The following TAFA1 variants were observed in gnomAD, a reference collection of about 807,000 sequenced individuals.
TAFA1 encodes chemokine-like protein TAFA-1.
In TAFA1, 4 loss-of-function variants were observed where a neutral mutation model predicts 18.5. That is an observed-to-expected ratio of 0.22 (90% confidence interval 0.11 to 0.49). The LOEUF (loss-of-function observed/expected upper bound fraction) is 0.49. Ranked by LOEUF, TAFA1 falls within the 20% of genes least tolerant of loss-of-function variation. The pLI is 0.98. For missense variants in TAFA1, 147 were observed against 169.0 expected, an observed-to-expected ratio of 0.87 and a Z score of 0.72; for synonymous variants, 56 against 55.2, an observed-to-expected ratio of 1.01 and a Z score of -0.06.
chr3:68,156,268 C>A (rs775262925), intron 2 of TAFA1, among the ~76,000 whole-genome samples: 21 of 152,178 alleles, frequency 1.4e-4, no homozygotes, highest in Non-Finnish European at 1.5e-4. Flanking sequence ...TTTTGGCTTT[C>A]AGGCTAGCCC....
intron 2 of TAFA1, among the ~76,000 whole-genome samples, chr3:68,339,076 A>T (rs2069029077): frequency 6.6e-6 from 1 of 152,226 alleles, no homozygotes. Context: ...AATTAGCTAA[A>T]GCAAGTCGCA....
At chr3:68,094,064 A>C (rs73834825) in intron 2 of TAFA1, among the ~76,000 whole-genome samples, 1 of 152,106 alleles carries the variant, frequency 6.6e-6, no homozygotes, top group African/African-American at 2.4e-5. Context: ...GGATTTTGTT[A>C]TTGTAGATGA....
At chr3:68,111,779 A>AC (rs10667380) in intron 2 of TAFA1, among the ~76,000 whole-genome samples, 1 of 142,080 alleles carries the variant, frequency 7.0e-6, no homozygotes, top group Non-Finnish European at 1.5e-5. Flanking sequence ...CACACATGAG[A>AC]AAGAGAGAGA....
chr3:68,450,767 T>C (rs1467814087), intron 3 of TAFA1, among the ~76,000 whole-genome samples: 3 of 152,226 alleles, frequency 2.0e-5, no homozygotes, highest in African/African-American at 7.2e-5. Context: ...AGATCCTAAT[T>C]ACATATAACA....
At chr3:68,482,211 C>T (rs988050680) in intron 3 of TAFA1, among the ~76,000 whole-genome samples, 2 of 152,114 alleles carry the variant, frequency 1.3e-5, no homozygotes, top group Non-Finnish European at 2.9e-5. Context: ...GGGGTTTAAC[C>T]GTTTTAGCCA....
intron 3 of TAFA1, among the ~76,000 whole-genome samples, chr3:68,483,343 G>A (rs544482931): frequency 6.6e-6 from 1 of 152,288 alleles, no homozygotes; most frequent in African/African-American, 2.4e-5. Flanking sequence ...TCGTAGCAGG[G>A]AATTAATCAT....
chr3:68,279,060 G>T (rs1350795577), intron 2 of TAFA1, among the ~76,000 whole-genome samples: 3 of 152,054 alleles, frequency 2.0e-5, no homozygotes, highest in Non-Finnish European at 4.4e-5. Context: ...TGAGTATCAG[G>T]TCCTCAGTGG....
chr3:68,220,820 C>T (rs1247740967), intron 2 of TAFA1, among the ~76,000 whole-genome samples: 1 of 152,104 alleles, frequency 6.6e-6, no homozygotes, highest in South Asian at 2.1e-4. Context: ...AAGGGTCACT[C>T]ACAGTATTCT....
chr3:68,497,117 C>CT (rs1167271553), intron 3 of TAFA1, among the ~76,000 whole-genome samples: 2 of 152,098 alleles, frequency 1.3e-5, no homozygotes, highest in Admixed American at 6.5e-5. Flanking sequence ...ATAATACCAC[C>CT]TTTTTTCTGA....
chr3:68,265,764 C>G (rs1352916617), intron 2 of TAFA1, among the ~76,000 whole-genome samples: 1 of 152,170 alleles, frequency 6.6e-6, no homozygotes, highest in East Asian at 1.9e-4. Context: ...CTGTTGCGTA[C>G]TGCAGAAGCT....
intron 2 of TAFA1, among the ~76,000 whole-genome samples, chr3:68,236,615 C>G (rs2066930416): frequency 6.6e-6 from 1 of 152,234 alleles, no homozygotes; most frequent in Admixed American, 6.5e-5. Context: ...TTGAAAAACT[C>G]TGTTAACCCG....
chr3:68,174,306 A>T (rs2066096666), intron 2 of TAFA1, among the ~76,000 whole-genome samples: 1 of 152,206 alleles, frequency 6.6e-6, no homozygotes, highest in African/African-American at 2.4e-5. Context: ...TTGGAGTCCC[A>T]CATGTTGTAG....
chr3:68,422,224 G>A (rs1177987881), intron 3 of TAFA1, among the ~76,000 whole-genome samples: 1 of 152,008 alleles, frequency 6.6e-6, no homozygotes, highest in Non-Finnish European at 1.5e-5. Context: ...AAAACTTATT[G>A]TTAATAGCTA....
At chr3:68,137,114 C>T (rs2065616937) in intron 2 of TAFA1, among the ~76,000 whole-genome samples, 1 of 152,100 alleles carries the variant, frequency 6.6e-6, no homozygotes, top group South Asian at 2.1e-4. Flanking sequence ...AATAGGAGTA[C>T]TTTATGGGAA....
At chr3:68,320,694 C>A (rs572784431) in intron 2 of TAFA1, among the ~76,000 whole-genome samples, 1 of 152,174 alleles carries the variant, frequency 6.6e-6, no homozygotes, top group Non-Finnish European at 1.5e-5. Context: ...CAAAGCTCTT[C>A]TGTCACCTCT....
intron 2 of TAFA1, among the ~76,000 whole-genome samples, chr3:68,019,991 G>A (rs1386874931): frequency 1.3e-5 from 2 of 152,134 alleles, no homozygotes; most frequent in Non-Finnish European, 1.5e-5. Flanking sequence ...AATGAGACAG[G>A]AATAAATTCA....
At chr3:68,302,119 C>T (rs2068312799) in intron 2 of TAFA1, among the ~76,000 whole-genome samples, 2 of 151,892 alleles carry the variant, frequency 1.3e-5, no homozygotes, top group Admixed American at 1.3e-4. Flanking sequence ...TTTTCTTTTG[C>T]CCTAATTTAG....
chr3:68,050,137 T>C (rs569006096), intron 2 of TAFA1, among the ~76,000 whole-genome samples: 16 of 152,290 alleles, frequency 1.1e-4, no homozygotes, highest in African/African-American at 3.8e-4. Context: ...AGAATTCAAC[T>C]ATAAATAGTT....
chr3:68,328,693 C>A (rs1021853389), intron 2 of TAFA1, among the ~76,000 whole-genome samples: 3 of 152,138 alleles, frequency 2.0e-5, no homozygotes, highest in African/African-American at 4.8e-5. Flanking sequence ...TATCAACTCA[C>A]AAGTGGCACT....
Sources: allele counts gnomAD v4.1 joint callset (sites outside exome capture counted in the v4.1 genomes callset), GRCh38; gene constraint gnomAD v4.1.1; transcripts MANE v1.5; gene names NCBI Gene and HGNC (gene_info 2026-07-23, HGNC 2026-07-21).